The following ACVR2A variants were observed in gnomAD, a reference collection of about 807,000 sequenced individuals.
ACVR2A encodes the protein activin A receptor type 2A.
ACVR2A carries 7 observed loss-of-function variants against 61.4 expected under a neutral mutation model. That is an observed-to-expected ratio of 0.11 (90% CI 0.06 to 0.21). The LOEUF (loss-of-function observed/expected upper bound fraction) is 0.21. Among genes scored for constraint, ACVR2A ranks in the 10% least tolerant of loss-of-function variants. The pLI, the probability that ACVR2A is intolerant of heterozygous loss-of-function variation, is 1.00. For missense variants in ACVR2A, 322 were observed against 621.7 expected (o/e 0.52, Z 5.13); for synonymous variants, 193 against 208.3 (o/e 0.93, Z 0.63).
At chr2:147,844,987 T>TTTAACCCAGTG, upstream of ACVR2A, 1 of 392,500 alleles carries the variant, frequency 2.5e-6, no homozygotes, top group Non-Finnish European at 4.4e-6. Flanking sequence ...TTTTTTTTTT[T>TTTAACCCAGTG]AACCCAGTGA....
intron 1 of ACVR2A, among the ~76,000 whole-genome samples, chr2:147,864,025 T>C (rs1278379871): frequency 2.0e-5 from 3 of 152,216 alleles, no homozygotes; most frequent in Non-Finnish European, 4.4e-5. Context: ...ATTTAGAACA[T>C]AATTTAATGT....
At chr2:147,914,344 A>C (rs1284185114) in intron 4 of ACVR2A, among the ~76,000 whole-genome samples, 1 of 151,952 alleles carries the variant, frequency 6.6e-6, no homozygotes, top group Non-Finnish European at 1.5e-5. Flanking sequence ...AATGCTTTCA[A>C]TGGAGGGTTG....
rs1687615325 is a variant in ACVR2A at position 147,929,759 on chromosome 2, A to C, written c.*2485A>C. 6.6e-6 allele frequency: 1 copy of C among 152,268 alleles called. No individual in the cohort carries two copies. Among genetic ancestry groups the C allele is most frequent in the South Asian group, 2.1e-4 (1 of 4,820 alleles). The allele number at this position is 152,268 out of a possible 1,614,324, so 9.4% of individuals were successfully genotyped here. A position where few individuals can be genotyped will look rare whatever the true frequency, so the allele number is the denominator to read the frequency against. ...AAAAAAAAGATCAAAGAATGAGAAA[A>C]ATGGTGATCCATTTTGGGGCAAACT... On this transcript the variant is annotated 3_prime_UTR_variant, in exon 11 of 11. Transcript: ENST00000241416.
At chr2:147,900,920 A>T (rs1375944109) in intron 4 of ACVR2A, among the ~76,000 whole-genome samples, 1 of 152,148 alleles carries the variant, frequency 6.6e-6, no homozygotes, top group Non-Finnish European at 1.5e-5. Flanking sequence ...TAACACATTT[A>T]TTTCTCAGCG....
chr2:147,869,525 C>T (rs546755856), intron 1 of ACVR2A, among the ~76,000 whole-genome samples: 1 of 152,282 alleles, frequency 6.6e-6, no homozygotes, highest in South Asian at 2.1e-4. Flanking sequence ...AGGGGAATAA[C>T]ATATAGGGTA....
chr2:147,918,639 A>G (rs1460549229), intron 7 of ACVR2A, 47 bp downstream of exon 7: 2 of 1,519,318 alleles, frequency 1.3e-6, no homozygotes. Context: ...GTATATATTT[A>G]CTAAACTTTT....
chr2:147,854,336 C>CT (rs1184456856), intron 1 of ACVR2A, among the ~76,000 whole-genome samples: 2 of 152,086 alleles, frequency 1.3e-5, no homozygotes, highest in Non-Finnish European at 2.9e-5. Context: ...TTTAAAATAT[C>CT]TTTTTTTCTT....
intron 1 of ACVR2A, among the ~76,000 whole-genome samples, chr2:147,874,159 G>T (rs1686096523): frequency 6.6e-6 from 1 of 151,818 alleles, no homozygotes; most frequent in Admixed American, 6.6e-5. Flanking sequence ...AGGGACTTTG[G>T]TCACAGTATA....
At chr2:147,922,227 A>G (rs971500337) in intron 8 of ACVR2A, among the ~76,000 whole-genome samples, 8 of 151,944 alleles carry the variant, frequency 5.3e-5, no homozygotes, top group African/African-American at 1.9e-4. Context: ...AAATCTTTAC[A>G]TGTATATTTG....
chr2:147,888,444 AT>A (rs1686496091), intron 1 of ACVR2A, among the ~76,000 whole-genome samples: 1 of 151,870 alleles, frequency 6.6e-6, no homozygotes, highest in Non-Finnish European at 1.5e-5. Flanking sequence ...GTTTTATTTG[AT>A]TTCTTTCATC....
At chr2:147,879,876 G>A (rs925973962) in intron 1 of ACVR2A, among the ~76,000 whole-genome samples, 2 of 152,208 alleles carry the variant, frequency 1.3e-5, no homozygotes, top group Non-Finnish European at 2.9e-5. Context: ...GTGACTTGCA[G>A]TAATAACCTT....
At chr2:147,906,143 A>C (rs959045820) in intron 4 of ACVR2A, among the ~76,000 whole-genome samples, 3 of 151,672 alleles carry the variant, frequency 2.0e-5, no homozygotes, top group Non-Finnish European at 4.4e-5. Flanking sequence ...CTCATCCTAG[A>C]CCTTGTTCTT....
intron 4 of ACVR2A, 96 bp downstream of exon 4, chr2:147,899,994 C>A: frequency 7.5e-7 from 1 of 1,337,738 alleles, no homozygotes. Context: ...AGATTATTTT[C>A]CTTTGGAGTT....
intron 1 of ACVR2A, among the ~76,000 whole-genome samples, chr2:147,881,944 C>T (rs1686313393): frequency 6.6e-6 from 1 of 151,990 alleles, no homozygotes; most frequent in African/African-American, 2.4e-5. Flanking sequence ...ACTGGATCTA[C>T]AATTTAAGTG....
chr2:147,896,537 G>A, intron 2 of ACVR2A, 29 bp downstream of exon 2: 1 of 1,601,246 alleles, frequency 6.2e-7, no homozygotes, highest in Non-Finnish European at 8.6e-7. Flanking sequence ...TTTTATGGTA[G>A]TATTGAGTAA....
At chr2:147,898,286 A>T (rs1686790157) in intron 2 of ACVR2A, 1 of 152,192 alleles carries the variant, frequency 6.6e-6, no homozygotes, top group African/African-American at 2.4e-5. Context: ...GAATTGTCAA[A>T]GTGTGGAAGA....
At chr2:147,895,673 C>G (rs550173583) in intron 1 of ACVR2A, among the ~76,000 whole-genome samples, 1 of 152,244 alleles carries the variant, frequency 6.6e-6, no homozygotes, top group East Asian at 1.9e-4. Flanking sequence ...TCGATAAATA[C>G]AGTTCAGTAC....
chr2:147,917,678 GTAAT>G (rs1687281768), intron 6 of ACVR2A, among the ~76,000 whole-genome samples: 1 of 151,870 alleles, frequency 6.6e-6, no homozygotes, highest in African/African-American at 2.4e-5. Flanking sequence ...TTCTTGTGCT[GTAAT>G]TACTCTTACA....
At chr2:147,870,425 A>G (rs1685983231) in intron 1 of ACVR2A, among the ~76,000 whole-genome samples, 1 of 152,126 alleles carries the variant, frequency 6.6e-6, no homozygotes, top group African/African-American at 2.4e-5. Flanking sequence ...TGAATTTAAC[A>G]TGCCACTTCT....
Sources: gnomAD v4.1 joint callset for allele counts (sites outside exome capture counted in the v4.1 genomes callset) on GRCh38, gnomAD v4.1.1 for gene constraint, MANE v1.5 for transcripts, NCBI Gene and HGNC (gene_info 2026-07-23, HGNC 2026-07-21) for gene names.